Variants in LRP1B observed in about 807,000 individuals in gnomAD.
LRP1B encodes the protein low-density lipoprotein receptor-related protein 1B.
In LRP1B, 217 loss-of-function variants were observed where a neutral mutation model predicts 556.6. That is an observed-to-expected ratio of 0.39 (90% CI 0.35 to 0.44). LRP1B has a LOEUF of 0.44. Among genes scored for constraint, LRP1B ranks in the 20% least tolerant of loss-of-function variants. The pLI is 1.00. For synonymous variants in LRP1B, 2,047 were observed against 1,865.8 expected, an observed-to-expected ratio of 1.10 and a Z score of -2.50; for missense variants, 5,053 against 5,620.8, an observed-to-expected ratio of 0.90 and a Z score of 3.23.
At chr2:142,118,647 T>C (rs1163171706) in intron 1 of LRP1B, among the ~76,000 whole-genome samples, 2 of 152,158 alleles carry the variant, frequency 1.3e-5, no homozygotes, top group South Asian at 2.1e-4. Flanking sequence ...TGGTGTGATA[T>C]GAGCAGAGTT....
chr2:141,941,851 G>A (rs577879765), intron 1 of LRP1B, among the ~76,000 whole-genome samples: 4 of 152,230 alleles, frequency 2.6e-5, no homozygotes, highest in South Asian at 2.1e-4. Context: ...AAAAAGTTAC[G>A]TGCATCTATA....
chr2:140,363,777 A>G (rs1682626361), intron 72 of LRP1B, among the ~76,000 whole-genome samples: 1 of 151,562 alleles, frequency 6.6e-6, no homozygotes, highest in African/African-American at 2.4e-5. Context: ...GTGAAATGTC[A>G]CCATCTATAT....
chr2:141,043,180 A>C (rs1698756423), intron 11 of LRP1B, among the ~76,000 whole-genome samples: 1 of 150,782 alleles, frequency 6.6e-6, no homozygotes, highest in Non-Finnish European at 1.5e-5. Context: ...TCCAGCCTGG[A>C]TGACAGAGTA....
At position 140,627,614 on chromosome 2, in the gene LRP1B, G is replaced by T. The variant is rs142454427; in HGVS notation, c.6800-25975C>A. On this transcript the variant is annotated intron_variant, in intron 41 of 90. Coordinates refer to ENST00000389484, the MANE Select transcript of LRP1B (RefSeq NM_018557.3). Reference sequence around the variant, plus strand: ...TTAGCTTGCAGACAGCCTATTGTGGGATTTCACCTTGTGATTGTGTGAGTC... The same window carrying T: ...TTAGCTTGCAGACAGCCTATTGTGGTATTTCACCTTGTGATTGTGTGAGTC... Among the ~76,000 whole-genome samples the T allele has an allele frequency of 6.6e-5, 10 of 152,252 alleles. No homozygotes were observed. In the East Asian group the frequency reaches 1.5e-3, roughly 24 times the overall value.
intron 31 of LRP1B, among the ~76,000 whole-genome samples, chr2:140,837,427 G>A (rs560734421): frequency 3.3e-5 from 5 of 152,226 alleles, no homozygotes; most frequent in South Asian, 4.1e-4. Context: ...TTGACTCACA[G>A]CCATATTCAA....
intron 2 of LRP1B, among the ~76,000 whole-genome samples, chr2:141,688,010 G>GAAA (rs112502279): frequency 5.5e-5 from 8 of 146,016 alleles, no homozygotes; most frequent in Non-Finnish European, 7.6e-5. Context: ...TATGATTTTT[G>GAAA]AAAAAAAAAA....
intron 2 of LRP1B, among the ~76,000 whole-genome samples, chr2:141,737,593 A>C (rs1279257131): frequency 6.6e-6 from 1 of 152,184 alleles, no homozygotes; most frequent in Non-Finnish European, 1.5e-5. Context: ...ATGTCAGCTC[A>C]GATTGATCTT....
intron 56 of LRP1B, among the ~76,000 whole-genome samples, chr2:140,495,084 T>C (rs920710890): frequency 1.3e-5 from 2 of 152,118 alleles, no homozygotes; most frequent in African/African-American, 4.8e-5. Context: ...TTTAACAATA[T>C]TTGCTGAATC....
intron 86 of LRP1B, among the ~76,000 whole-genome samples, chr2:140,256,267 G>A (rs1189583225): frequency 2.6e-5 from 4 of 151,620 alleles, no homozygotes; most frequent in Non-Finnish European, 2.9e-5. Context: ...AAGTCACCTC[G>A]TTTCAGATTA....
intron 20 of LRP1B, among the ~76,000 whole-genome samples, chr2:140,928,649 C>A (rs546862944): frequency 1.3e-5 from 2 of 152,080 alleles, no homozygotes; most frequent in Admixed American, 6.6e-5. Context: ...TACAACCTTA[C>A]CATGGGCCCA....
intron 2 of LRP1B, among the ~76,000 whole-genome samples, chr2:141,692,966 C>T (rs1691601288): frequency 6.6e-6 from 1 of 151,868 alleles, no homozygotes; most frequent in Admixed American, 6.6e-5. Context: ...GGCTCAGTGC[C>T]AAGGGAAAAT....
At chr2:140,353,641 C>A (rs1682075317) in intron 75 of LRP1B, among the ~76,000 whole-genome samples, 1 of 152,072 alleles carries the variant, frequency 6.6e-6, no homozygotes, top group African/African-American at 2.4e-5. Context: ...GGTCTCCAAC[C>A]ATATATGGGA....
intron 3 of LRP1B, among the ~76,000 whole-genome samples, chr2:141,441,330 G>A (rs896663519): frequency 1.3e-5 from 2 of 151,964 alleles, no homozygotes; most frequent in South Asian, 2.1e-4. Context: ...CACCCATCTC[G>A]GCCTCCCAAA....
chr2:140,453,143 G>A (rs1276252813), intron 62 of LRP1B, among the ~76,000 whole-genome samples: 1 of 151,544 alleles, frequency 6.6e-6, no homozygotes, highest in Admixed American at 6.6e-5. Context: ...GTCCAATTAT[G>A]ACTGGAAAAA....
intron 1 of LRP1B, among the ~76,000 whole-genome samples, chr2:142,021,795 C>T (rs976051271): frequency 6.6e-6 from 1 of 152,106 alleles, no homozygotes; most frequent in African/African-American, 2.4e-5. Context: ...ATTAACACAG[C>T]CTCATAAATT....
chr2:141,840,413 G>A (rs927837032), intron 1 of LRP1B, among the ~76,000 whole-genome samples: 26 of 151,606 alleles, frequency 1.7e-4, no homozygotes, highest in African/African-American at 6.3e-4. Context: ...GCAGGCACCC[G>A]CCACTACGCC....
intron 32 of LRP1B, among the ~76,000 whole-genome samples, chr2:140,793,175 G>A (rs76989438): frequency 0.024 from 3,573 of 151,862 alleles, 74 homozygotes; most frequent in South Asian, 0.1. Context: ...AGAATCATAA[G>A]TCTACAATAA....
chr2:141,305,978 G>A (rs1338686129), intron 3 of LRP1B, among the ~76,000 whole-genome samples: 1 of 152,056 alleles, frequency 6.6e-6, no homozygotes, highest in Non-Finnish European at 1.5e-5. Context: ...ATATACTTTT[G>A]AATGTGATTT....
intron 84 of LRP1B, among the ~76,000 whole-genome samples, chr2:140,288,871 G>C (rs1683265450): frequency 6.6e-6 from 1 of 151,638 alleles, no homozygotes; most frequent in South Asian, 2.1e-4. Flanking sequence ...ACACTGCTTT[G>C]TATATGTACT....
Sources: gnomAD v4.1 joint callset for allele counts (sites outside exome capture counted in the v4.1 genomes callset) on GRCh38, gnomAD v4.1.1 for gene constraint, MANE v1.5 for transcripts, NCBI Gene and HGNC (gene_info 2026-07-23, HGNC 2026-07-21) for gene names.